The following PAPSS2 variants were observed in gnomAD, a reference collection of about 807,000 sequenced individuals.
PAPSS2 encodes bifunctional 3'-phosphoadenosine 5'-phosphosulfate synthase 2.
In PAPSS2, 61 loss-of-function variants were observed where a neutral mutation model predicts 66.5. The ratio of observed to expected loss-of-function variants is 0.92; its 90% CI spans 0.75 to 1.14. The LOEUF (loss-of-function observed/expected upper bound fraction) is 1.14. Among genes scored for constraint, PAPSS2 ranks in the 50% most tolerant of loss-of-function variants. The pLI, the probability that PAPSS2 is intolerant of heterozygous loss-of-function variation, is 0.00. For synonymous variants in PAPSS2, 289 were observed against 287.5 expected (o/e 1.01, Z -0.05); for missense variants, 708 against 789.6 (o/e 0.90, Z 1.24).
intron 9 of PAPSS2, among the ~76,000 whole-genome samples, chr10:87,729,199 TCAC>T (rs1301624395): frequency 4.6e-5 from 7 of 151,966 alleles, no homozygotes; most frequent in African/African-American, 1.7e-4. Context: ...TTACTATGCT[TCAC>T]TTTATCGTGC....
At chr10:87,669,679 C>A (rs571297111) in intron 1 of PAPSS2, among the ~76,000 whole-genome samples, 1 of 152,288 alleles carries the variant, frequency 6.6e-6, no homozygotes, top group East Asian at 1.9e-4. Context: ...GTATTCTGTT[C>A]ATTGCCACGA....
intron 2 of PAPSS2, among the ~76,000 whole-genome samples, chr10:87,711,632 A>G (rs1476615495): frequency 2.0e-5 from 3 of 152,234 alleles, no homozygotes; most frequent in Non-Finnish European, 4.4e-5. Flanking sequence ...GTTAGTGTTG[A>G]CACGTTCTTC....
At chr10:87,687,462 T>C (rs1397182688) in intron 1 of PAPSS2, among the ~76,000 whole-genome samples, 1 of 152,194 alleles carries the variant, frequency 6.6e-6, no homozygotes, top group Non-Finnish European at 1.5e-5. Context: ...GTTATTTCCA[T>C]TTCAAAAAGT....
intron 1 of PAPSS2, among the ~76,000 whole-genome samples, chr10:87,681,126 C>G (rs1222237509): frequency 6.6e-6 from 1 of 152,190 alleles, no homozygotes; most frequent in Non-Finnish European, 1.5e-5. Context: ...GACCACAGGA[C>G]AGCCCTCCAA....
At chr10:87,742,849 C>T (rs1363235780) in intron 10 of PAPSS2, among the ~76,000 whole-genome samples, 1 of 152,226 alleles carries the variant, frequency 6.6e-6, no homozygotes, top group Admixed American at 6.5e-5. Flanking sequence ...CCCTAAGCAG[C>T]TTCCTGCCTC....
At chr10:87,734,848 T>C (rs1304609749) in intron 9 of PAPSS2, among the ~76,000 whole-genome samples, 1 of 151,584 alleles carries the variant, frequency 6.6e-6, no homozygotes, top group Non-Finnish European at 1.5e-5. Flanking sequence ...GCTCCCTTTT[T>C]GCATTCTTTT....
intron 1 of PAPSS2, among the ~76,000 whole-genome samples, chr10:87,691,353 C>T (rs979012730): frequency 6.6e-6 from 1 of 152,076 alleles, no homozygotes; most frequent in African/African-American, 2.4e-5. Context: ...TAAACGTGAG[C>T]AAAGCAGCCT....
Position 87,746,119 on chromosome 10 carries a change from A to G in PAPSS2, c.*149A>G, listed in dbSNP as rs1480246575. Reference sequence around the variant, plus strand: ...GTTGTGTCTATAATTAAAAAAAAATATATATATATACACACACACATATAC... The same window carrying G: ...GTTGTGTCTATAATTAAAAAAAAATGTATATATATACACACACACATATAC... On this transcript the variant is annotated 3_prime_UTR_variant, in exon 13 of 13. Transcript: ENST00000456849. 2 of 597,116 alleles carry G rather than the reference A, an allele frequency of 3.3e-6. No homozygotes were observed. Among genetic ancestry groups the G allele is most frequent in the African/African-American group, 3.8e-5 (2 of 52,780 alleles). 37.0% of individuals were successfully genotyped at this position (597,116 alleles called of 1,614,324 possible).
intron 7 of PAPSS2, among the ~76,000 whole-genome samples, chr10:87,720,413 G>C (rs74146357): frequency 9.9e-5 from 15 of 152,176 alleles, no homozygotes; most frequent in Middle Eastern, 3.2e-3. Context: ...TGAGGAGACA[G>C]AGTTAAATTG....
intron 1 of PAPSS2, among the ~76,000 whole-genome samples, chr10:87,667,734 T>G (rs1314483676): frequency 6.6e-6 from 1 of 152,204 alleles, no homozygotes; most frequent in African/African-American, 2.4e-5. Context: ...CTGTATACCA[T>G]CAAATATTAA....
chr10:87,694,471 G>C (rs1564714618), intron 1 of PAPSS2, among the ~76,000 whole-genome samples: 1 of 152,208 alleles, frequency 6.6e-6, no homozygotes, highest in Non-Finnish European at 1.5e-5. Context: ...GGTTTGTGCT[G>C]CTTGGAGAAC....
chr10:87,696,543 C>T (rs1040282514), intron 1 of PAPSS2, among the ~76,000 whole-genome samples: 1 of 152,176 alleles, frequency 6.6e-6, no homozygotes, highest in Admixed American at 6.5e-5. Context: ...CATAGATATG[C>T]CTATACTTGT....
At chr10:87,696,161 G>A (rs1853232478) in intron 1 of PAPSS2, among the ~76,000 whole-genome samples, 1 of 152,158 alleles carries the variant, frequency 6.6e-6, no homozygotes, top group Non-Finnish European at 1.5e-5. Flanking sequence ...TCGAGGGCAG[G>A]ATGCAATTTC....
chr10:87,662,720 T>C (rs1852767886), intron 1 of PAPSS2, among the ~76,000 whole-genome samples: 1 of 152,146 alleles, frequency 6.6e-6, no homozygotes, highest in African/African-American at 2.4e-5. Context: ...TGTTATGTTC[T>C]GGAGACACCC....
chr10:87,723,668 G>T (rs1302334161), intron 8 of PAPSS2, among the ~76,000 whole-genome samples: 1 of 108,204 alleles, frequency 9.2e-6, no homozygotes, highest in African/African-American at 4.4e-5. Context: ...TTTGTTTATT[G>T]CCGGCAGTTG....
chr10:87,687,731 T>C (rs751357576), intron 1 of PAPSS2, among the ~76,000 whole-genome samples: 5 of 152,200 alleles, frequency 3.3e-5, no homozygotes, highest in Non-Finnish European at 2.9e-5. Flanking sequence ...ATGCTTACCC[T>C]GATTTCATCA....
At chr10:87,706,140 G>GTGTGTGTGTGTGTGTGTATA (rs1304990011) in intron 1 of PAPSS2, among the ~76,000 whole-genome samples, 2 of 113,180 alleles carry the variant, frequency 1.8e-5, no homozygotes, top group Admixed American at 9.6e-5. Context: ...GTGTGTGTGT[G>GTGTGTGTGTGTGTGTGTATA]TATATATATA....
chr10:87,691,934 A>T (rs1475962198), intron 1 of PAPSS2, among the ~76,000 whole-genome samples: 2 of 152,032 alleles, frequency 1.3e-5, no homozygotes, highest in Non-Finnish European at 2.9e-5. Context: ...AGTAAGCAAG[A>T]CCCTGTCTCT....
chr10:87,710,865 T>A (rs1218664502), intron 2 of PAPSS2, among the ~76,000 whole-genome samples: 1 of 152,004 alleles, frequency 6.6e-6, no homozygotes, highest in Non-Finnish European at 1.5e-5. Context: ...TAGCCAGGCG[T>A]GGTGGTGCAC....
Sources: allele counts gnomAD v4.1 joint callset (sites outside exome capture counted in the v4.1 genomes callset), GRCh38; gene constraint gnomAD v4.1.1; transcripts MANE v1.5; gene names NCBI Gene and HGNC (gene_info 2026-07-23, HGNC 2026-07-21).